The following MCPH1 variants were observed in gnomAD, a reference collection of about 807,000 sequenced individuals.
The protein encoded by MCPH1 is microcephalin.
A neutral mutation model predicts 84.5 loss-of-function variants in MCPH1; 104 were observed. The observed-to-expected ratio is 1.23, with a 90% CI of 1.05 to 1.45. The LOEUF is 1.45. MCPH1 is among the 40% of genes most tolerant of loss of function. MCPH1 has a pLI of 0.00. For missense variants in MCPH1, 1,498 were observed against 1,005.7 expected, an observed-to-expected ratio of 1.49 and a Z score of -6.62; for synonymous variants, 514 against 366.8, an observed-to-expected ratio of 1.40 and a Z score of -4.58.
intron 12 of MCPH1, among the ~76,000 whole-genome samples, chr8:6,552,412 T>C (rs1008757534): frequency 1.3e-5 from 2 of 152,190 alleles, no homozygotes; most frequent in African/African-American, 4.8e-5. Context: ...CACACACACT[T>C]ACGATGGTCC....
intron 12 of MCPH1, among the ~76,000 whole-genome samples, chr8:6,578,452 C>T (rs570488495): frequency 6.6e-6 from 1 of 152,090 alleles, no homozygotes; most frequent in South Asian, 2.1e-4. Context: ...TTTTCTATGC[C>T]GATTTTTCAG....
intron 13 of MCPH1, among the ~76,000 whole-genome samples, chr8:6,633,103 A>G (rs929651353): frequency 2.0e-5 from 3 of 152,190 alleles, no homozygotes; most frequent in Admixed American, 1.3e-4. Context: ...AACGTACAAC[A>G]AATATTGAAT....
chr8:6,466,854 G>A (rs1807043657), intron 9 of MCPH1, among the ~76,000 whole-genome samples: 1 of 152,182 alleles, frequency 6.6e-6, no homozygotes, highest in Admixed American at 6.5e-5. Flanking sequence ...GGGATTACAG[G>A]GTTGAGCCAA....
At chr8:6,545,299 T>C (rs1822375577) in intron 12 of MCPH1, among the ~76,000 whole-genome samples, 4 of 152,212 alleles carry the variant, frequency 2.6e-5, no homozygotes, top group Admixed American at 2.6e-4. Context: ...TTAAAAGTTA[T>C]CAAGCTGTAA....
intron 12 of MCPH1, among the ~76,000 whole-genome samples, chr8:6,537,523 A>T (rs1820722622): frequency 6.6e-6 from 1 of 150,444 alleles, no homozygotes; most frequent in East Asian, 1.9e-4. Context: ...TCAAGCAACC[A>T]GGATGAAATA....
rs182674796 is a variant in MCPH1 at position 6,573,010 on chromosome 8, G to A, written c.2215-48444G>A. Among the ~76,000 whole-genome samples the A allele has an allele frequency of 1.0e-3, 155 of 152,328 alleles. 1 individual carries two copies. Among genetic ancestry groups the A allele is most frequent in the African/African-American group, 3.5e-3 (146 of 41,576 alleles). ...AAAACTGAGGGAAATTATATTCCAG[G>A]CTGAGAAAATTGCCTGTGCACTTAA... On this transcript the variant is annotated intron_variant, in intron 12 of 13. Coordinates refer to ENST00000344683, the MANE Select transcript of MCPH1 (RefSeq NM_024596.5).
intron 1 of MCPH1, among the ~76,000 whole-genome samples, chr8:6,408,589 G>A (rs114438998): frequency 1.0e-3 from 157 of 152,182 alleles, no homozygotes; most frequent in African/African-American, 3.6e-3. Context: ...CCAGGCTGGA[G>A]TGCAATGGTG....
In MCPH1 at chr8:6,587,288, A is replaced by G. The variant is rs575943826; in HGVS notation, c.2215-34166A>G. Among the ~76,000 whole-genome samples the G allele has an allele frequency of 5.3e-5, 8 of 152,178 alleles. No homozygotes were observed. In the South Asian group the frequency reaches 1.0e-3, roughly 20 times the overall value. On this transcript the variant is annotated intron_variant, in intron 12 of 13. Transcript: ENST00000344683. ...TCTCACTTGGCCATGTTGAATTCCA[A>G]CTGGGTGTCCTCAGACATTTCTATC...
intron 12 of MCPH1, 118 bp from the exon 13 acceptor site, chr8:6,621,336 C>A (rs887790206): frequency 1.6e-6 from 2 of 1,263,674 alleles, no homozygotes; most frequent in African/African-American, 1.5e-5. Context: ...AGGAGCATGG[C>A]AGCCTTACAT....
chr8:6,498,980 A>G, intron 11 of MCPH1, among the ~76,000 whole-genome samples: 1 of 152,102 alleles, frequency 6.6e-6, no homozygotes. Flanking sequence ...TGAACCTGGG[A>G]GGTGGAGGTT....
chr8:6,481,306 T>C (rs1809211153), intron 11 of MCPH1, among the ~76,000 whole-genome samples: 1 of 152,260 alleles, frequency 6.6e-6, no homozygotes, highest in South Asian at 2.1e-4. Flanking sequence ...TGAAGGATGT[T>C]CTTTTAATCC....
intron 13 of MCPH1, among the ~76,000 whole-genome samples, chr8:6,638,935 C>G (rs1219268158): frequency 6.6e-6 from 1 of 152,206 alleles, no homozygotes; most frequent in African/African-American, 2.4e-5. Context: ...CCCGCACACT[C>G]AGTCACAGCC....
At chr8:6,514,639 G>C (rs908458603) in intron 12 of MCPH1, 4 of 1,568,352 alleles carry the variant, frequency 2.6e-6, no homozygotes, top group Non-Finnish European at 3.5e-6. Flanking sequence ...TTTTTCACAA[G>C]GGAAATTCTT....
intron 11 of MCPH1, among the ~76,000 whole-genome samples, chr8:6,489,599 G>C (rs2920674): frequency 0.24 from 36,619 of 152,130 alleles, 5,374 homozygotes; most frequent in African/African-American, 0.41. Context: ...GTAATGGTGC[G>C]ATTTGCTGAG....
chr8:6,600,563 T>A (rs1296204382), intron 12 of MCPH1, among the ~76,000 whole-genome samples: 1 of 152,256 alleles, frequency 6.6e-6, no homozygotes, highest in East Asian at 1.9e-4. Flanking sequence ...TGAGGCACGT[T>A]AGGCTTGTGA....
At chr8:6,414,638 T>A in intron 2 of MCPH1, 127 bp from the exon 3 acceptor site, 1 of 982,082 alleles carries the variant, frequency 1.0e-6, no homozygotes, top group Non-Finnish European at 1.5e-6. Flanking sequence ...GCGTTATGCA[T>A]TCCTTTGAGT....
chr8:6,629,220 T>G (rs544228470), intron 13 of MCPH1, among the ~76,000 whole-genome samples: 28 of 152,300 alleles, frequency 1.8e-4, no homozygotes, highest in African/African-American at 5.8e-4. Flanking sequence ...CCCAGCACTT[T>G]GGGAGGCCAG....
At chr8:6,416,558 G>C (rs1799330734) in intron 3 of MCPH1, among the ~76,000 whole-genome samples, 1 of 152,176 alleles carries the variant, frequency 6.6e-6, no homozygotes. Context: ...ATGTTTTTCT[G>C]CATGACTGAT....
intron 12 of MCPH1, chr8:6,503,174 T>C: frequency 6.2e-7 from 1 of 1,614,208 alleles, no homozygotes; most frequent in Non-Finnish European, 8.5e-7. Context: ...GTAGTACCAT[T>C]TAATGCCGTT....
Sources: allele counts gnomAD v4.1 joint callset (sites outside exome capture counted in the v4.1 genomes callset), GRCh38; gene constraint gnomAD v4.1.1; transcripts MANE v1.5; gene names NCBI Gene and HGNC (gene_info 2026-07-23, HGNC 2026-07-21).